The following NOTCH2 variants were observed in gnomAD, a reference collection of about 807,000 sequenced individuals.
NOTCH2 encodes the protein notch receptor 2, also known as neurogenic locus notch homolog protein 2.
NOTCH2 carries 29 observed loss-of-function variants against 235.8 expected under a neutral mutation model. The observed-to-expected ratio is 0.12, with a 90% CI of 0.09 to 0.17. The LOEUF is 0.17. NOTCH2 is among the 10% of genes least tolerant of loss of function. NOTCH2 has a pLI of 1.00. For missense variants in NOTCH2, 2,285 were observed against 3,150.2 expected, an observed-to-expected ratio of 0.73 and a Z score of 6.57; for synonymous variants, 1,086 against 1,141.5, an observed-to-expected ratio of 0.95 and a Z score of 0.98.
chr1:119,952,877 T>C (rs1226774706), intron 14 of NOTCH2, among the ~76,000 whole-genome samples: 7 of 152,248 alleles, frequency 4.6e-5, no homozygotes, highest in Admixed American at 4.6e-4. Flanking sequence ...ACTACTATCT[T>C]AATTATAGTA....
At chr1:119,969,775 C>A (rs1308098021) in intron 5 of NOTCH2, 31 bp from the exon 6 acceptor site, 1 of 1,585,348 alleles carries the variant, frequency 6.3e-7, no homozygotes, top group Non-Finnish European at 8.7e-7. Context: ...TTGATTAGGG[C>A]TCTTGAGTCT....
intron 22 of NOTCH2, 133 bp downstream of exon 22, chr1:119,935,339 G>T: frequency 1.9e-6 from 3 of 1,602,292 alleles, no homozygotes; most frequent in South Asian, 2.2e-5. Context: ...GAATTACTAG[G>T]ATGTAGAACT....
intron 14 of NOTCH2, among the ~76,000 whole-genome samples, chr1:119,953,019 T>C (rs1650540058): frequency 6.6e-6 from 1 of 152,118 alleles, no homozygotes; most frequent in Non-Finnish European, 1.5e-5. Context: ...ATCTTAAATA[T>C]TACCATTTCA....
At chr1:119,943,472 GT>G in intron 17 of NOTCH2, among the ~76,000 whole-genome samples, 1 of 152,172 alleles carries the variant, frequency 6.6e-6, no homozygotes, top group Non-Finnish European at 1.5e-5. Context: ...GACCCCTGTT[GT>G]AGTAGTGAGC....
Position 119,918,503 on chromosome 1 carries a change from A to G in NOTCH2, c.5832T>C (p.Gly1944=). ...VTDLDARMND[G]TTPLILAARL... is the part of the protein sequence containing the mutation. ...GGGCAGCCAGGATCAGGGGTGTAGT[A>G]CCATCATTCATCCTGGCATCTAGAT... is the stretch of plus-strand genomic sequence containing the variant. The change falls in exon 32 of 34, where the codon GGT becomes GGC. Residue 1944 remains glycine (G), a synonymous_variant. Coordinates refer to ENST00000256646, the MANE Select transcript of NOTCH2 (RefSeq NM_024408.4). 6.2e-7 allele frequency: 1 copy of G among 1,614,112 alleles called. No homozygotes were observed. Among genetic ancestry groups the G allele is most frequent in the Non-Finnish European group, 8.5e-7 (1 of 1,179,986 alleles).
At chr1:119,928,888 T>A in intron 23 of NOTCH2, 88 bp downstream of exon 23, 1 of 1,106,680 alleles carries the variant, frequency 9.0e-7, no homozygotes, top group South Asian at 1.2e-5. Context: ...AAAGCTTCAC[T>A]TGGGTCTGGG....
intron 16 of NOTCH2, 33 bp downstream of exon 16, chr1:119,948,974 A>G (rs1553197392): frequency 1.9e-6 from 3 of 1,614,108 alleles, no homozygotes; most frequent in South Asian, 2.2e-5. Flanking sequence ...GTCAGAATGC[A>G]TGTTCTTGGC....
Position 119,935,619 on chromosome 1 carries a change from C to T in NOTCH2, c.3523-15G>A. On this transcript the variant is annotated splice_polypyrimidine_tract_variant and intron_variant, in intron 21 of 33. Transcript: ENST00000256646. ...CCTGGGACACACTGCCATGAGGAAA[C>T]AAAAAGGACAAGAAATATTGGACCA... is the stretch of plus-strand genomic sequence containing the variant. The T allele has an allele frequency of 6.2e-7, 1 of 1,613,500 alleles. No homozygotes were observed. Among genetic ancestry groups the T allele is most frequent in the Non-Finnish European group, 8.5e-7 (1 of 1,179,744 alleles).
intron 5 of NOTCH2, chr1:119,976,279 A>G (rs1275928554): frequency 2.0e-5 from 3 of 152,090 alleles, no homozygotes; most frequent in Non-Finnish European, 2.9e-5. Flanking sequence ...CTTCTATCCT[A>G]CAAAACCTCA....
intron 3 of NOTCH2, among the ~76,000 whole-genome samples, chr1:120,001,899 C>CG (rs1171027663): frequency 1.4e-4 from 22 of 152,016 alleles, no homozygotes; most frequent in African/African-American, 5.3e-4. Context: ...TGAAGCAGAA[C>CG]GGTGGAATGG....
chr1:119,969,411 G>T, intron 6 of NOTCH2, 100 bp downstream of exon 6: 1 of 973,410 alleles, frequency 1.0e-6, no homozygotes. Flanking sequence ...TCCCATAGAT[G>T]GTAACTCAAA....
intron 2 of NOTCH2, among the ~76,000 whole-genome samples, chr1:120,007,869 ATAT>A (rs1463776196): frequency 1.0e-4 from 13 of 128,166 alleles, no homozygotes; most frequent in Non-Finnish European, 1.8e-4. Flanking sequence ...ACTCTGAGAT[ATAT>A]TATTAAAAGC....
intron 2 of NOTCH2, among the ~76,000 whole-genome samples, chr1:120,024,218 T>TTA (rs1346192544): frequency 9.0e-6 from 1 of 111,332 alleles, no homozygotes; most frequent in Non-Finnish European, 1.8e-5. Context: ...AGAAAGTAAT[T>TTA]TAACAGTTGA....
chr1:120,057,041 A>T (rs1655149855), intron 1 of NOTCH2, among the ~76,000 whole-genome samples: 1 of 117,808 alleles, frequency 8.5e-6, no homozygotes, highest in Non-Finnish European at 1.5e-5. Context: ...GATCACAGGA[A>T]ACCAGTGAAC....
At chr1:119,999,976 A>AAGGAAGGAAGGAAGGAAGG (rs58528085) in intron 3 of NOTCH2, among the ~76,000 whole-genome samples, 2 of 56,610 alleles carry the variant, frequency 3.5e-5, no homozygotes, top group East Asian at 4.8e-4. Flanking sequence ...AGAAAGAAAG[A>AAGGAAGGAAGGAAGGAAGG]AAGGAAGGAA....
At chr1:119,932,650 T>TCTATCTAA (rs1205246660) in intron 22 of NOTCH2, among the ~76,000 whole-genome samples, 1 of 147,810 alleles carries the variant, frequency 6.8e-6, no homozygotes, top group East Asian at 1.9e-4. Flanking sequence ...TATCTATCTA[T>TCTATCTAA]CTCAGAGAGA....
At chr1:120,004,938 A>G (rs1466782115) in intron 3 of NOTCH2, among the ~76,000 whole-genome samples, 2 of 151,920 alleles carry the variant, frequency 1.3e-5, no homozygotes, top group Admixed American at 1.3e-4. Context: ...ACACATGACT[A>G]ATTTTGTTTT....
In NOTCH2 at chr1:119,914,419, T is replaced by G. The variant is rs1340059173; in HGVS notation, c.*887A>C. ...GTAACTAGACTATCAAGGATAAAACTTTACACTGACCAGGCCCATACACAG... is the reference window on the plus strand; with the variant it reads ...GTAACTAGACTATCAAGGATAAAACGTTACACTGACCAGGCCCATACACAG... On this transcript the variant is annotated 3_prime_UTR_variant, in exon 34 of 34. Transcript: ENST00000256646. 8.6e-6 allele frequency: 2 copies of G among 233,032 alleles called. No individual in the cohort carries two copies. Among genetic ancestry groups the G allele is most frequent in the Non-Finnish European group, 1.7e-5 (2 of 118,030 alleles). 14.4% of individuals were successfully genotyped at this position (233,032 alleles called of 1,614,324 possible). A position where few individuals can be genotyped will look rare whatever the true frequency, so the allele number is the denominator to read the frequency against.
At chr1:119,932,364 G>T (rs951295125) in intron 22 of NOTCH2, among the ~76,000 whole-genome samples, 3 of 152,118 alleles carry the variant, frequency 2.0e-5, no homozygotes, top group African/African-American at 7.2e-5. Flanking sequence ...GAGGCGGGTG[G>T]ATTGCTTGAG....
Sources: allele counts gnomAD v4.1 joint callset (sites outside exome capture counted in the v4.1 genomes callset), GRCh38; gene constraint gnomAD v4.1.1; transcripts MANE v1.5; gene names NCBI Gene and HGNC (gene_info 2026-07-23, HGNC 2026-07-21).